The following STPG2 variants were observed in gnomAD, a reference collection of about 807,000 sequenced individuals.
STPG2 encodes the protein sperm-tail PG-rich repeat-containing protein 2.
STPG2 carries 56 observed loss-of-function variants against 54.2 expected under a neutral mutation model. The ratio of observed to expected loss-of-function variants is 1.03; its 90% CI spans 0.83 to 1.29. The LOEUF (loss-of-function observed/expected upper bound fraction) is 1.29. Among genes scored for constraint, STPG2 ranks in the 50% most tolerant of loss-of-function variants. The pLI is 0.00. For missense variants in STPG2, 596 were observed against 544.9 expected (o/e 1.09, Z -0.93); for synonymous variants, 200 against 181.8 (o/e 1.10, Z -0.81).
chr4:97,652,401 G>A (rs765200821), intron 10 of STPG2, among the ~76,000 whole-genome samples: 20 of 151,590 alleles, frequency 1.3e-4, no homozygotes, highest in Non-Finnish European at 2.7e-4. Flanking sequence ...TTTTGTCTCT[G>A]ACCATTGAGT....
chr4:97,800,131 C>A (rs1180439518), intron 9 of STPG2, among the ~76,000 whole-genome samples: 2 of 152,192 alleles, frequency 1.3e-5, no homozygotes, highest in Non-Finnish European at 2.9e-5. Flanking sequence ...ATTTGAACTT[C>A]CTCCTTTAGC....
chr4:97,454,739 T>A (rs2148801771), intron 4 of STPG2, among the ~76,000 whole-genome samples: 1 of 152,118 alleles, frequency 6.6e-6, no homozygotes, highest in South Asian at 2.1e-4. Context: ...TAGAATTTTG[T>A]TTTAGGAATA....
At chr4:97,663,093 CTGTCACTGTAAATCA>C (rs1578462797) in intron 10 of STPG2, among the ~76,000 whole-genome samples, 1 of 17,878 alleles carries the variant, frequency 5.6e-5, no homozygotes, top group East Asian at 2.3e-3. Flanking sequence ...TATAAATGTT[CTGTCACTGTAAATCA>C]TACCAAATGG....
At chr4:98,111,606 C>G (rs567683900) in intron 3 of STPG2, among the ~76,000 whole-genome samples, 1 of 152,260 alleles carries the variant, frequency 6.6e-6, no homozygotes, top group African/African-American at 2.4e-5. Context: ...CCTTCTACAT[C>G]TGCCTGGCCT....
intron 9 of STPG2, among the ~76,000 whole-genome samples, chr4:97,825,319 G>C (rs1335689267): frequency 6.6e-6 from 1 of 152,164 alleles, no homozygotes; most frequent in Non-Finnish European, 1.5e-5. Flanking sequence ...GAGAGCTTTG[G>C]TGTGTAATAA....
intron 8 of STPG2, among the ~76,000 whole-genome samples, chr4:97,922,170 C>CA (rs1331951055): frequency 6.6e-6 from 1 of 151,974 alleles, no homozygotes; most frequent in Non-Finnish European, 1.5e-5. Flanking sequence ...GTTCTAACCA[C>CA]AAAAATGTAT....
rs182249300 is a variant in STPG2, at chr4:97,998,908, A to G, written c.613-17590T>C. On this transcript the variant is annotated intron_variant, in intron 5 of 10. Coordinates refer to ENST00000295268, the MANE Select transcript of STPG2 (RefSeq NM_174952.3). ...TCCAAGACAGAAAGCATGTCCTGTTATGGCCTTAGAGAGGGGAGAAAAAGT... is the reference window on the plus strand; with the variant it reads ...TCCAAGACAGAAAGCATGTCCTGTTGTGGCCTTAGAGAGGGGAGAAAAAGT... 3.4e-3 allele frequency among the ~76,000 whole-genome samples: 518 copies of G among 152,280 alleles called. 2 individuals are homozygous for G. The highest frequency in any genetic ancestry group is 5.6e-3 in the Non-Finnish European group (384 of 68,020).
chr4:97,955,247 C>T (rs1362606770), intron 7 of STPG2, among the ~76,000 whole-genome samples: 2 of 145,500 alleles, frequency 1.4e-5, no homozygotes, highest in East Asian at 4.1e-4. Flanking sequence ...CAGCATCTCA[C>T]TCTGTCGCCC....
intron 5 of STPG2, among the ~76,000 whole-genome samples, chr4:98,032,394 C>A (rs1271813304): frequency 6.6e-6 from 1 of 152,026 alleles, no homozygotes; most frequent in Non-Finnish European, 1.5e-5. Context: ...CCACCTGTAA[C>A]CCAATAACTT....
rs962098722 is a variant in STPG2, at chr4:97,542,962, C to T, written c.462+169737G>A. 1.1e-4 allele frequency among the ~76,000 whole-genome samples: 16 copies of T among 151,838 alleles called. No homozygotes were observed. The East Asian group carries it at 2.9e-3, about 28-fold the overall frequency. ...ACACAGGAAGGGGAACATCACACAC[C>T]AGGGCCTGTTGTGGGGTGGGGAGAA... On this transcript the variant is annotated intron_variant, in intron 4 of 4. Transcript: ENST00000522676.
intron 8 of STPG2, among the ~76,000 whole-genome samples, chr4:97,874,056 A>G (rs1730088395): frequency 6.6e-6 from 1 of 151,642 alleles, no homozygotes; most frequent in African/African-American, 2.4e-5. Flanking sequence ...TTAAAACATT[A>G]ATATAGCCTC....
At chr4:97,776,047 C>A (rs1414445969) in intron 9 of STPG2, among the ~76,000 whole-genome samples, 1 of 152,172 alleles carries the variant, frequency 6.6e-6, no homozygotes, top group African/African-American at 2.4e-5. Flanking sequence ...CATGCATGAG[C>A]TACTGCATCC....
rs528581984 is a variant in STPG2, at chr4:97,668,900, T to C, written c.1320+43799A>G. Among the ~76,000 whole-genome samples, 6 of 152,114 alleles carry C rather than the reference T, an allele frequency of 3.9e-5. No individual in the cohort carries two copies. In the East Asian group the frequency reaches 9.7e-4, roughly 25 times the overall value. ...AAAAATTTGTTTGGATTAAGTGGTATAAAACTGATAATAAAGGTATAGCAC... is the reference window on the plus strand; with the variant it reads ...AAAAATTTGTTTGGATTAAGTGGTACAAAACTGATAATAAAGGTATAGCAC... On this transcript the variant is annotated intron_variant, in intron 10 of 10. Transcript: ENST00000295268.
At chr4:97,942,768 C>T (rs1054602435) in intron 8 of STPG2, among the ~76,000 whole-genome samples, 13 of 152,230 alleles carry the variant, frequency 8.5e-5, no homozygotes, top group East Asian at 3.9e-4. Flanking sequence ...CATTATCTCA[C>T]GTAGCAGAAT....
chr4:97,705,652 C>T (rs1723918234), intron 10 of STPG2, among the ~76,000 whole-genome samples: 1 of 151,958 alleles, frequency 6.6e-6, no homozygotes, highest in Non-Finnish European at 1.5e-5. Flanking sequence ...GCTGGGATTA[C>T]AGGTATGAGC....
At chr4:98,020,971 T>G (rs774840972) in intron 5 of STPG2, among the ~76,000 whole-genome samples, 5 of 152,210 alleles carry the variant, frequency 3.3e-5, no homozygotes, top group Non-Finnish European at 7.3e-5. Context: ...AAAAACCAGC[T>G]CCTGGATTCA....
intron 4 of STPG2, among the ~76,000 whole-genome samples, chr4:97,542,198 G>A (rs1224368649): frequency 6.6e-6 from 1 of 152,166 alleles, no homozygotes; most frequent in Non-Finnish European, 1.5e-5. Flanking sequence ...CAGAATGGGA[G>A]AAAATTTTTG....
At chr4:97,964,030 G>C (rs1733997805) in intron 7 of STPG2, among the ~76,000 whole-genome samples, 1 of 152,188 alleles carries the variant, frequency 6.6e-6, no homozygotes, top group Non-Finnish European at 1.5e-5. Context: ...ATGTCTGTAA[G>C]TTAATGATAT....
chr4:97,691,173 A>G (rs1723350246), intron 10 of STPG2, among the ~76,000 whole-genome samples: 1 of 152,084 alleles, frequency 6.6e-6, no homozygotes. Flanking sequence ...AGACCCTTTG[A>G]AGGAGGTGGA....
Sources: gnomAD v4.1 joint callset for allele counts (sites outside exome capture counted in the v4.1 genomes callset) on GRCh38, gnomAD v4.1.1 for gene constraint, MANE v1.5 for transcripts, NCBI Gene and HGNC (gene_info 2026-07-23, HGNC 2026-07-21) for gene names.